The following BCO1 variants were observed in gnomAD, a reference collection of about 807,000 sequenced individuals.
BCO1 encodes beta,beta-carotene 15,15'-dioxygenase.
Under a neutral mutation model 56.3 loss-of-function variants are expected in BCO1, and 54 were observed. The observed-to-expected ratio is 0.96, with a 90% CI of 0.77 to 1.20. The LOEUF (loss-of-function observed/expected upper bound fraction) is 1.20. Ranked by LOEUF, BCO1 falls within the 50% of genes most tolerant of loss-of-function variation. The pLI, the probability that BCO1 is intolerant of heterozygous loss-of-function variation, is 0.00. For missense variants in BCO1, 801 were observed against 690.9 expected (o/e 1.16, Z -1.79); for synonymous variants, 318 against 266.1 (o/e 1.20, Z -1.90).
chr16:81,286,200 A>C (rs1908171724), intron 9 of BCO1, among the ~76,000 whole-genome samples: 1 of 152,076 alleles, frequency 6.6e-6, no homozygotes, highest in Non-Finnish European at 1.5e-5. Context: ...TTTGCTTCTT[A>C]AGCTACCATT....
chr16:81,244,451 C>T (rs1905278157), intron 1 of BCO1, among the ~76,000 whole-genome samples: 1 of 142,632 alleles, frequency 7.0e-6, no homozygotes, highest in Non-Finnish European at 1.6e-5. Context: ...CATACTAAGT[C>T]TTTGAAATCT....
chr16:81,280,611 TAAGAGAA>T (rs1003047454), intron 7 of BCO1, among the ~76,000 whole-genome samples: 21 of 152,044 alleles, frequency 1.4e-4, no homozygotes, highest in Middle Eastern at 3.4e-3. Context: ...AGGCTCAGAG[TAAGAGAA>T]AAGAGTCCTA....
At chr16:81,255,317 G>T (rs1361740612) in intron 2 of BCO1, among the ~76,000 whole-genome samples, 1 of 152,080 alleles carries the variant, frequency 6.6e-6, no homozygotes, top group Non-Finnish European at 1.5e-5. Flanking sequence ...CTAGCTGTGT[G>T]GCTTAACACA....
chr16:81,287,319 A>G lies in BCO1; in HGVS notation c.1327A>G (p.Lys443Glu), dbSNP rs755750511. 86 of 1,613,880 alleles carry G rather than the reference A, an allele frequency of 5.3e-5. No individual in the cohort carries two copies. The highest frequency in any genetic ancestry group is 4.4e-5 in the South Asian group (4 of 91,058). The change falls in exon 10 of 11, where the codon AAG becomes GAG. Residue 443 changes from lysine (K) to glutamate (E), a missense_variant. Coordinates refer to ENST00000258168, the MANE Select transcript of BCO1 (RefSeq NM_017429.3). ...TKIIKYDILT[K>E]SSLKWREDDC... ...GATAATAAAATATGACATTCTCACAAAGTCATCCTTAAAATGGAGAGAGGA... is the reference window on the plus strand; with the variant it reads ...GATAATAAAATATGACATTCTCACAGAGTCATCCTTAAAATGGAGAGAGGA...
At chr16:81,239,048 G>T (rs148142922) in intron 1 of BCO1, 76 bp downstream of exon 1, 3 of 1,313,782 alleles carry the variant, frequency 2.3e-6, no homozygotes, top group African/African-American at 3.0e-5. Context: ...GCGGAGTCTC[G>T]CTCTGTCGCC....
At position 81,281,046 on chromosome 16, in the gene BCO1, C is replaced by T. The variant is rs1218489067; in HGVS notation, c.1207+84C>T. 5 of 989,278 alleles carry T rather than the reference C, an allele frequency of 5.1e-6. No individual in the cohort carries two copies. In the East Asian group the frequency reaches 1.3e-4, roughly 25 times the overall value. 61.3% of individuals were successfully genotyped at this position (989,278 alleles called of 1,614,324 possible). A position where few individuals can be genotyped will look rare whatever the true frequency, so the allele number is the denominator to read the frequency against. ...AGAGGCCTCTTTACATAATAATTCC[C>T]TCCTGTGCATGGACAAGGGCCAAAA... On this transcript the variant is annotated intron_variant, in intron 8 of 10. Coordinates refer to ENST00000258168, the MANE Select transcript of BCO1 (RefSeq NM_017429.3).
At chr16:81,275,956 T>G (rs984083984) in intron 7 of BCO1, among the ~76,000 whole-genome samples, 7 of 152,310 alleles carry the variant, frequency 4.6e-5, no homozygotes, top group Middle Eastern at 3.4e-3. Flanking sequence ...GTGGGTCATC[T>G]GGACCTTGGC....
At chr16:81,269,267 A>C (rs1597365072) in intron 6 of BCO1, among the ~76,000 whole-genome samples, 3 of 140,164 alleles carry the variant, frequency 2.1e-5, no homozygotes, top group African/African-American at 5.3e-5. Context: ...GTGTTACTCC[A>C]CCATCTCTGC....
intron 3 of BCO1, among the ~76,000 whole-genome samples, chr16:81,260,967 G>A (rs778712440): frequency 2.0e-5 from 3 of 152,178 alleles, no homozygotes; most frequent in African/African-American, 4.8e-5. Context: ...GGGTGGACTG[G>A]CCCAGAGATG....
At chr16:81,259,285 G>A (rs527777609) in intron 2 of BCO1, among the ~76,000 whole-genome samples, 81 of 152,210 alleles carry the variant, frequency 5.3e-4, no homozygotes, top group African/African-American at 1.9e-3. Flanking sequence ...CCTGAGGTCA[G>A]GAGTTCAAGA....
chr16:81,282,139 G>C (rs1907918200), intron 8 of BCO1, among the ~76,000 whole-genome samples: 1 of 152,234 alleles, frequency 6.6e-6, no homozygotes, highest in African/African-American at 2.4e-5. Flanking sequence ...AGCACTTTGG[G>C]ATGCTGAGGT....
chr16:81,244,957 C>T (rs1273423258), intron 1 of BCO1, among the ~76,000 whole-genome samples: 2 of 152,082 alleles, frequency 1.3e-5, no homozygotes, highest in Non-Finnish European at 2.9e-5. Context: ...GTGGTACAAT[C>T]TCGGCTCGCT....
chr16:81,244,067 C>T (rs993849265), intron 1 of BCO1, among the ~76,000 whole-genome samples: 1 of 152,228 alleles, frequency 6.6e-6, no homozygotes, highest in African/African-American at 2.4e-5. Context: ...ATTACCTATC[C>T]GAGGTGCTTC....
intron 7 of BCO1, among the ~76,000 whole-genome samples, chr16:81,276,064 G>T (rs143687279): frequency 6.6e-6 from 1 of 152,364 alleles, no homozygotes; most frequent in East Asian, 1.9e-4. Flanking sequence ...GACCTGGAAG[G>T]GATGGCTTTG....
Position 81,285,828 on chromosome 16 carries a change from A to T in BCO1, c.1302+194A>T, listed in dbSNP as rs145426037. Among the ~76,000 whole-genome samples, 328 of 152,182 alleles carry T rather than the reference A, an allele frequency of 2.2e-3. 1 individual carries two copies. The highest frequency in any genetic ancestry group is 3.4e-3 in the Middle Eastern group (1 of 294). Reference sequence around the variant, plus strand: ...CCTAATGGGCTAAGGTTCAGGTAAGAGGTTGTGGCTGGAGTTTATTCACTG... The same window carrying T: ...CCTAATGGGCTAAGGTTCAGGTAAGTGGTTGTGGCTGGAGTTTATTCACTG... On this transcript the variant is annotated intron_variant, in intron 9 of 10. Transcript: ENST00000258168.
rs762227797 is a variant in BCO1 at position 81,270,686 on chromosome 16, C to CTGTGTGTGTGTGTG, written c.1101+275_1101+276insGTGTGTGTGTGTGT. Among the ~76,000 whole-genome samples the CTGTGTGTGTGTGTG allele has an allele frequency of 6.1e-4, 18 of 29,610 alleles. No homozygotes were observed. In the East Asian group the frequency reaches 0.012, roughly 19 times the overall value. 19.4% of individuals were successfully genotyped at this position (29,610 alleles called of 152,430 possible). On this transcript the variant is annotated intron_variant, in intron 7 of 10. Transcript: ENST00000258168. ...TATGTTTGTCTCCCAGTCTCTCTCT[C>CTGTGTGTGTGTGTG]TGTGTCTGTGTGTGTGTGTGTGTGT...
At position 81,280,959 on chromosome 16, in the gene BCO1, G is replaced by T; in HGVS notation, c.1204G>T (p.Glu402Ter). The T allele has an allele frequency of 6.2e-7, 1 of 1,612,316 alleles. No individual in the cohort carries two copies. The highest frequency in any genetic ancestry group is 8.5e-7 in the Non-Finnish European group (1 of 1,178,400). ...QVYCQPEFLY[E>*]GLELPRVNYA... is the part of the protein sequence containing the mutation. ...CTACTGCCAGCCGGAATTTCTTTAT[G>T]AAGGTAAAATGCATCCTCTTGTCCT... Residue 402 changes from glutamate (E) to a stop codon, truncating the protein, a stop_gained, in exon 8 of 11, where the codon GAA (glutamate) becomes TAA (stop). Transcript: ENST00000258168. LOFTEE classifies it high-confidence loss of function.
In BCO1 at chr16:81,264,472, G is replaced by T. The variant is rs1279947519; in HGVS notation, c.472-168G>T. On this transcript the variant is annotated intron_variant, in intron 4 of 10. Transcript: ENST00000258168. ...CTTCTTTAAAAGCAAATTCTGTATC[G>T]TTTTCAGATCAACAGAGTGCAAAAA... Among the ~76,000 whole-genome samples, 19 of 152,244 alleles carry T rather than the reference G, an allele frequency of 1.2e-4. No individual in the cohort carries two copies. The East Asian group carries it at 3.7e-3, about 29-fold the overall frequency.
chr16:81,269,492 A>T (rs900456202), intron 6 of BCO1, among the ~76,000 whole-genome samples: 2 of 151,772 alleles, frequency 1.3e-5, no homozygotes, highest in East Asian at 3.9e-4. Context: ...TTTGAGATGG[A>T]GTTCCATGCT....
Sources: allele counts gnomAD v4.1 joint callset (sites outside exome capture counted in the v4.1 genomes callset), GRCh38; gene constraint gnomAD v4.1.1; transcripts MANE v1.5; gene names NCBI Gene and HGNC (gene_info 2026-07-23, HGNC 2026-07-21).